Variants in IFT56 observed in about 807,000 individuals in gnomAD.
IFT56 encodes intraflagellar transport protein 56.
the IFT56 span, among the ~76,000 whole-genome samples, chr7:139,176,604 C>G: frequency 6.6e-6 from 1 of 152,166 alleles, no homozygotes; most frequent in African/African-American, 2.4e-5. Flanking sequence ...TGCTAGTTAG[C>G]CAGCATGAAC....
the IFT56 span, chr7:139,172,791 C>T: frequency 3.1e-6 from 2 of 642,648 alleles, no homozygotes; most frequent in African/African-American, 3.6e-5. Context: ...AGCTTCAGGA[C>T]AGGACCTCGT....
chr7:139,139,345 T>G, the IFT56 span, among the ~76,000 whole-genome samples: 3 of 151,940 alleles, frequency 2.0e-5, no homozygotes, highest in Admixed American at 6.6e-5. Flanking sequence ...GAAAATGAAA[T>G]AAAGACACCT....
the IFT56 span, among the ~76,000 whole-genome samples, chr7:139,159,253 T>C: frequency 6.6e-6 from 1 of 152,220 alleles, no homozygotes; most frequent in African/African-American, 2.4e-5. Context: ...AATTACCTAA[T>C]TCAGTTCCTT....
At chr7:139,162,649 T>A in the IFT56 span, among the ~76,000 whole-genome samples, 1 of 152,148 alleles carries the variant, frequency 6.6e-6, no homozygotes, top group South Asian at 2.1e-4. Flanking sequence ...TTCTCATATG[T>A]AGAATAGGGA....
At chr7:139,147,411 G>C in the IFT56 span, 2 of 839,544 alleles carry the variant, frequency 2.4e-6, no homozygotes, top group Non-Finnish European at 3.5e-6. Flanking sequence ...CTGTTTAGTT[G>C]ATAATTTGGT....
the IFT56 span, among the ~76,000 whole-genome samples, chr7:139,182,764 A>C: frequency 1.3e-5 from 2 of 152,144 alleles, no homozygotes; most frequent in Non-Finnish European, 2.9e-5. Flanking sequence ...AATGAAAGAG[A>C]GGATGAACAG....
At chr7:139,137,161 A>G in the IFT56 span, among the ~76,000 whole-genome samples, 1 of 152,228 alleles carries the variant, frequency 6.6e-6, no homozygotes, top group Non-Finnish European at 1.5e-5. Context: ...CTTACCACGG[A>G]AATTCAGAAT....
the IFT56 span, among the ~76,000 whole-genome samples, chr7:139,188,842 T>C: frequency 6.6e-6 from 1 of 152,252 alleles, no homozygotes; most frequent in African/African-American, 2.4e-5. Context: ...CCTTATTCCT[T>C]TGGCTTTGTA....
At chr7:139,159,608 T>C in the IFT56 span, among the ~76,000 whole-genome samples, 1 of 152,124 alleles carries the variant, frequency 6.6e-6, no homozygotes, top group Non-Finnish European at 1.5e-5. Context: ...CACAATATGG[T>C]CTCAAAATAG....
the IFT56 span, among the ~76,000 whole-genome samples, chr7:139,188,690 A>G: frequency 6.6e-6 from 1 of 152,246 alleles, no homozygotes; most frequent in Admixed American, 6.5e-5. Flanking sequence ...TTGCTAGGGC[A>G]ATAAGGAAAT....
the IFT56 span, chr7:139,142,264 AGCCGACTCCAAAACC>A: frequency 6.2e-7 from 1 of 1,614,126 alleles, no homozygotes; most frequent in Non-Finnish European, 8.5e-7. Flanking sequence ...AGCTTCAAAA[AGCCGACTCCAAAACC>A]GCCTCCTCTT....
the IFT56 span, chr7:139,147,397 A>C: frequency 1.1e-5 from 10 of 913,152 alleles, no homozygotes; most frequent in Non-Finnish European, 1.6e-5. Context: ...CTATGTGTTC[A>C]AATCTGTTTA....
the IFT56 span, chr7:139,190,949 C>G: frequency 6.6e-6 from 1 of 152,254 alleles, no homozygotes; most frequent in Admixed American, 6.5e-5. Flanking sequence ...TCCCCGTAGG[C>G]ACTGTATTAG....
the IFT56 span, among the ~76,000 whole-genome samples, chr7:139,157,954 A>C: frequency 2.6e-5 from 4 of 152,116 alleles, no homozygotes; most frequent in Admixed American, 2.0e-4. Context: ...GTGGGGTGAC[A>C]GGGACAGTGG....
the IFT56 span, among the ~76,000 whole-genome samples, chr7:139,171,260 A>G: frequency 6.6e-6 from 1 of 152,206 alleles, no homozygotes; most frequent in Non-Finnish European, 1.5e-5. Flanking sequence ...TAAAATGTTC[A>G]TACTACCCAA....
At chr7:139,172,917 G>A in the IFT56 span, 2 of 716,392 alleles carry the variant, frequency 2.8e-6, no homozygotes. Flanking sequence ...TCTTTTCCAG[G>A]TGCAGGAACA....
At chr7:139,184,817 G>A in the IFT56 span, among the ~76,000 whole-genome samples, 67 of 150,834 alleles carry the variant, frequency 4.4e-4, 1 homozygote, top group African/African-American at 1.6e-3. Flanking sequence ...CACTTTGGGA[G>A]GCTGAGGCGG....
chr7:139,178,254 C>T, the IFT56 span: 2 of 1,614,022 alleles, frequency 1.2e-6, no homozygotes, highest in South Asian at 2.2e-5. Flanking sequence ...CCTGTTTCTT[C>T]CTGCTTAAGC....
At chr7:139,133,822 C>T in the IFT56 span, 2 of 1,614,120 alleles carry the variant, frequency 1.2e-6, no homozygotes, top group Non-Finnish European at 1.7e-6. Flanking sequence ...GCGCGGCCTT[C>T]GCTGTGTGGT....
Sources: allele counts gnomAD v4.1 joint callset (sites outside exome capture counted in the v4.1 genomes callset), GRCh38; gene constraint gnomAD v4.1.1; transcripts MANE v1.5; gene names NCBI Gene and HGNC (gene_info 2026-07-23, HGNC 2026-07-21).